DPP3: variants seen among roughly 807,000 people sequenced by gnomAD.
DPP3 encodes the protein dipeptidyl peptidase 3.
Under a neutral mutation model 89.8 loss-of-function variants are expected in DPP3, and 64 were observed. The ratio of observed to expected loss-of-function variants is 0.71; its 90% CI spans 0.58 to 0.88. DPP3 has a LOEUF of 0.88. Among genes scored for constraint, DPP3 ranks in the 40% least tolerant of loss-of-function variants. DPP3 has a pLI of 0.00. For synonymous variants in DPP3, 377 were observed against 404.3 expected, an observed-to-expected ratio of 0.93 and a Z score of 0.81; for missense variants, 835 against 972.5, an observed-to-expected ratio of 0.86 and a Z score of 1.88.
chr11:66,503,054 C>T (rs1282022807), intron 16 of DPP3, among the ~76,000 whole-genome samples: 2 of 152,126 alleles, frequency 1.3e-5, no homozygotes, highest in Admixed American at 6.5e-5. Context: ...CTGCATCCAT[C>T]ACCTCCTGGG....
At position 66,482,445 on chromosome 11, in the gene DPP3, A is replaced by T; in HGVS notation, c.245A>T (p.Glu82Val). The T allele has an allele frequency of 6.2e-7, 1 of 1,607,270 alleles. No homozygotes were observed. Among genetic ancestry groups the T allele is most frequent in the Non-Finnish European group, 8.5e-7 (1 of 1,179,972 alleles). The change falls in exon 2 of 18, where the codon GAA (glutamate) becomes GTA (valine). Residue 82 changes from glutamate (E) to valine (V), a missense_variant. Transcript: ENST00000531863. ...CAGCTGCGCCAACATGCCCTGGCTGAAGGCCTTACCGAGGAGGAGTATCAG... is the reference window on the plus strand; with the variant it reads ...CAGCTGCGCCAACATGCCCTGGCTGTAGGCCTTACCGAGGAGGAGTATCAG... ...PDQLRQHALA[E>V]GLTEEEYQAF...
At chr11:66,492,345 G>T in intron 9 of DPP3, 1 of 199,700 alleles carries the variant, frequency 5.0e-6, no homozygotes, top group Non-Finnish European at 1.0e-5. Context: ...TGAGGATTCA[G>T]CCACTTCTCT....
intron 12 of DPP3, among the ~76,000 whole-genome samples, chr11:66,494,722 G>A (rs1855485268): frequency 6.6e-6 from 1 of 152,190 alleles, no homozygotes; most frequent in Admixed American, 6.5e-5. Flanking sequence ...GGTGATAGTG[G>A]CACTGTCCTC....
At chr11:66,487,023 A>G (rs944164633) in intron 4 of DPP3, among the ~76,000 whole-genome samples, 12 of 152,142 alleles carry the variant, frequency 7.9e-5, no homozygotes, top group Non-Finnish European at 1.2e-4. Flanking sequence ...CATCCGTTGC[A>G]TGGGATGAGG....
At chr11:66,501,170 G>C (rs1170694417) in intron 16 of DPP3, among the ~76,000 whole-genome samples, 1 of 150,900 alleles carries the variant, frequency 6.6e-6, no homozygotes, top group Non-Finnish European at 1.5e-5. Context: ...CCAAGCGACA[G>C]AGTGAGACTC....
chr11:66,484,558 T>C (rs1037516346), intron 2 of DPP3, among the ~76,000 whole-genome samples: 16 of 152,080 alleles, frequency 1.1e-4, no homozygotes, highest in Non-Finnish European at 1.8e-4. Flanking sequence ...AGCTCTCTTA[T>C]GCCAGCTTGA....
In DPP3 at chr11:66,482,248, C is replaced by T; in HGVS notation, c.48C>T (p.Ser16=). Residue 16 remains serine (S), a synonymous_variant, in exon 2 of 18, where the codon AGC becomes AGT. Coordinates refer to ENST00000531863, the MANE Select transcript of DPP3 (RefSeq NM_130443.4). Reference sequence around the variant, plus strand: ...TGCCCAATGACATCGGCGTGTCTAGCCTGGACTGCCGTGAGGCCTTCCGCC... The same window carrying T: ...TGCCCAATGACATCGGCGTGTCTAGTCTGGACTGCCGTGAGGCCTTCCGCC... ...YILPNDIGVS[S]LDCREAFRLL... 1 of 1,614,162 alleles carries T rather than the reference C, an allele frequency of 6.2e-7. No homozygotes were observed. Among genetic ancestry groups the T allele is most frequent in the Non-Finnish European group, 8.5e-7 (1 of 1,180,024 alleles).
At chr11:66,508,403 G>A (rs1855856027) in intron 17 of DPP3, among the ~76,000 whole-genome samples, 1 of 152,216 alleles carries the variant, frequency 6.6e-6, no homozygotes, top group Admixed American at 6.5e-5. Flanking sequence ...TTGGGAGGTT[G>A]CAACACTTGC....
At chr11:66,493,025 G>C (rs376631063) in intron 10 of DPP3, 42 bp from the exon 11 acceptor site, 21 of 1,612,010 alleles carry the variant, frequency 1.3e-5, no homozygotes, top group African/African-American at 5.3e-5. Flanking sequence ...TGTTACCTTT[G>C]ACCCTCACCT....
Position 66,482,403 on chromosome 11 carries a change from G to T in DPP3, c.203G>T (p.Arg68Leu), listed in dbSNP as rs147658388. 13 of 1,610,544 alleles carry T rather than the reference G, an allele frequency of 8.1e-6. No individual in the cohort carries two copies. The highest frequency in any genetic ancestry group is 1.1e-5 in the Non-Finnish European group (13 of 1,180,022). Residue 68 changes from arginine to leucine, a missense_variant, in exon 2 of 18, where the codon CGC (arginine) becomes CTC (leucine). Coordinates refer to ENST00000531863, the MANE Select transcript of DPP3 (RefSeq NM_130443.4). ...TATGCTCTGCTCAGCCGCCTCTTCC[G>T]CGCCCAGGACCCCGACCAGCTGCGC... ...YIYALLSRLF[R>L]AQDPDQLRQH...
chr11:66,495,482 G>A lies in DPP3; in HGVS notation c.1570G>A (p.Val524Met), dbSNP rs376310826. The A allele has an allele frequency of 6.2e-7, 1 of 1,611,652 alleles. No homozygotes were observed. The highest frequency in any genetic ancestry group is 8.5e-7 in the Non-Finnish European group (1 of 1,178,578). ...VGLYLCLHPQ[V>M]LEIFGFEGAD... ...TCTCTACCTCTGTCTCCACCCGCAA[G>A]TGCTGGAGTAAGAGCAGCAGGGCCG... Residue 524 changes from valine (V) to methionine (M), a missense_variant, in exon 14 of 18, where the codon GTG (valine) becomes ATG (methionine). Val to Met is a conservative substitution (Grantham distance 21). Coordinates refer to ENST00000531863, the MANE Select transcript of DPP3 (RefSeq NM_130443.4).
intron 6 of DPP3, among the ~76,000 whole-genome samples, chr11:66,489,094 A>G (rs1855309834): frequency 6.6e-6 from 1 of 152,090 alleles, no homozygotes; most frequent in African/African-American, 2.4e-5. Flanking sequence ...TGAACTCCTG[A>G]CCTCAGGTGA....
chr11:66,491,531 C>T lies in DPP3; in HGVS notation c.836C>T (p.Ala279Val), dbSNP rs1164154339. Residue 279 changes from alanine (A) to valine (V), a missense_variant, in exon 8 of 18, where the codon GCC becomes GTC. Ala to Val is a moderately conservative substitution (Grantham distance 64, BLOSUM62 0). Transcript: ENST00000531863. ...AANSHQGQML[A>V]QYIESFTQGS... ...AACAGCCACCAGGGGCAGATGCTGG[C>T]CCAGTATATAGAGAGCTTCACCCAG... 1.2e-6 allele frequency: 2 copies of T among 1,612,774 alleles called. No individual in the cohort carries two copies. The highest frequency in any genetic ancestry group is 8.5e-7 in the Non-Finnish European group (1 of 1,179,270).
chr11:66,504,656 C>T lies in DPP3; in HGVS notation c.1923C>T (p.Tyr641=), dbSNP rs756177410. 3.7e-6 allele frequency: 6 copies of T among 1,613,406 alleles called. No individual in the cohort carries two copies. The highest frequency in any genetic ancestry group is 2.2e-5 in the East Asian group (1 of 44,834). Residue 641 remains tyrosine, a synonymous_variant, in exon 17 of 18, where the codon TAC becomes TAT. Transcript: ENST00000531863. ...TGDVAGGRAL[Y]EGYATVTDAP... is the part of the protein sequence containing the mutation. The stretch of plus-strand genomic sequence containing the variant: ...ATGTGGCCGGAGGGCGGGCCCTGTA[C>T]GAGGGGTATGCAACAGTCACTGATG...
intron 16 of DPP3, among the ~76,000 whole-genome samples, chr11:66,502,889 C>T (rs57207756): frequency 0.18 from 27,545 of 151,488 alleles, 3,318 homozygotes; most frequent in Non-Finnish European, 0.24. Context: ...ATGAGCCACC[C>T]GCCCGGCCCG....
In DPP3 at chr11:66,495,628, A is replaced by G. The variant is rs764203494; in HGVS notation, c.1578-2A>G. On this transcript the variant is annotated splice_acceptor_variant, in intron 14 of 17. Transcript: ENST00000531863. LOFTEE classifies it high-confidence loss of function. ...CCTGCCACCTGCCTGCCCCTCTCACAGGATCTTTGGCTTTGAGGGGGCTGA... is the reference window on the plus strand; with the variant it reads ...CCTGCCACCTGCCTGCCCCTCTCACGGGATCTTTGGCTTTGAGGGGGCTGA... 1.9e-6 allele frequency: 3 copies of G among 1,614,020 alleles called. No homozygotes were observed. Among genetic ancestry groups the G allele is most frequent in the East Asian group, 4.5e-5 (2 of 44,884 alleles).
chr11:66,497,626 C>A, intron 16 of DPP3, 149 bp downstream of exon 16: 3 of 1,171,480 alleles, frequency 2.6e-6, no homozygotes, highest in Non-Finnish European at 3.5e-6. Flanking sequence ...CCGGGTGCCT[C>A]ACGCCTGTGA....
chr11:66,498,060 G>A (rs1324429878), intron 16 of DPP3, among the ~76,000 whole-genome samples: 2 of 149,892 alleles, frequency 1.3e-5, no homozygotes, highest in Non-Finnish European at 3.0e-5. Context: ...AACCTCCCGA[G>A]TAGCTGGGAT....
chr11:66,483,685 A>C (rs1855148488), intron 2 of DPP3, among the ~76,000 whole-genome samples: 1 of 152,200 alleles, frequency 6.6e-6, no homozygotes, highest in Non-Finnish European at 1.5e-5. Flanking sequence ...TGCTGGGTCA[A>C]AGGCTCTGTA....
Sources: allele counts gnomAD v4.1 joint callset (sites outside exome capture counted in the v4.1 genomes callset), GRCh38; gene constraint gnomAD v4.1.1; transcripts MANE v1.5; gene names NCBI Gene and HGNC (gene_info 2026-07-23, HGNC 2026-07-21).